ALK: variants seen among roughly 807,000 people sequenced by gnomAD.
The protein encoded by ALK is ALK receptor tyrosine kinase.
In ALK, 74 loss-of-function variants were observed where a neutral mutation model predicts 163.1. The observed-to-expected ratio is 0.45, with a 90% confidence interval of 0.38 to 0.55. The LOEUF (loss-of-function observed/expected upper bound fraction) is 0.55, where lower values mean the gene tolerates loss of function less well. ALK is among the 20% of genes least tolerant of loss of function. ALK has a pLI of 0.00. For missense variants in ALK, 2,063 were observed against 2,105.3 expected, an observed-to-expected ratio of 0.98 and a Z score of 0.39; for synonymous variants, 960 against 843.2, an observed-to-expected ratio of 1.14 and a Z score of -2.40.
At chr2:29,216,089 T>A (rs1442699240) in intron 23 of ALK, among the ~76,000 whole-genome samples, 2 of 152,080 alleles carry the variant, frequency 1.3e-5, no homozygotes, top group African/African-American at 2.4e-5. Context: ...CAGCAGAGAC[T>A]CTGATCATTC....
chr2:29,493,892 G>A (rs372697675), intron 4 of ALK, among the ~76,000 whole-genome samples: 1 of 152,330 alleles, frequency 6.6e-6, no homozygotes, highest in Non-Finnish European at 1.5e-5. Context: ...GGATGAAACG[G>A]CCTCAAGCAC....
At chr2:29,195,446 G>A (rs1668998658) in intron 28 of ALK, among the ~76,000 whole-genome samples, 2 of 152,148 alleles carry the variant, frequency 1.3e-5, no homozygotes, top group African/African-American at 4.8e-5. Context: ...ATGAAGAGGA[G>A]GGGATTTAAA....
chr2:29,868,729 C>T (rs3936219), intron 1 of ALK, among the ~76,000 whole-genome samples: 66,816 of 152,104 alleles, frequency 0.44, 15,504 homozygotes, highest in Non-Finnish European at 0.5. Flanking sequence ...TGTCTCCCAT[C>T]CCACACGTTT....
At chr2:29,585,516 T>C (rs1573477407) in intron 3 of ALK, among the ~76,000 whole-genome samples, 1 of 152,080 alleles carries the variant, frequency 6.6e-6, no homozygotes, top group East Asian at 1.9e-4. Context: ...TTAGTAGAGA[T>C]GGTGTTTCGC....
At chr2:29,406,910 A>AT (rs993751143) in intron 4 of ALK, among the ~76,000 whole-genome samples, 1 of 151,436 alleles carries the variant, frequency 6.6e-6, no homozygotes, top group Non-Finnish European at 1.5e-5. Flanking sequence ...AAAAAAAAAA[A>AT]AAAAGTTACA....
At chr2:29,690,328 C>T (rs918928712) in intron 3 of ALK, among the ~76,000 whole-genome samples, 5 of 152,214 alleles carry the variant, frequency 3.3e-5, no homozygotes, top group South Asian at 2.1e-4. Flanking sequence ...AGTCAGAGGA[C>T]GGGGAGAGAG....
intron 3 of ALK, among the ~76,000 whole-genome samples, chr2:29,670,505 T>G (rs1677648893): frequency 6.6e-6 from 1 of 152,050 alleles, no homozygotes. Context: ...TGGTCTTATT[T>G]GGGTTGATTC....
At chr2:29,852,541 C>A (rs1666025478) in intron 1 of ALK, among the ~76,000 whole-genome samples, 1 of 152,212 alleles carries the variant, frequency 6.6e-6, no homozygotes, top group African/African-American at 2.4e-5. Context: ...ATTGGATAAG[C>A]AGCCTGCCCA....
chr2:29,207,511 T>C (rs1431137436), intron 25 of ALK, among the ~76,000 whole-genome samples: 2 of 152,244 alleles, frequency 1.3e-5, no homozygotes, highest in South Asian at 2.1e-4. Context: ...GAATGATCTA[T>C]GCAATGACTA....
chr2:29,662,100 CGGGG>C (rs1267442823), intron 3 of ALK, among the ~76,000 whole-genome samples: 1 of 151,996 alleles, frequency 6.6e-6, no homozygotes, highest in Non-Finnish European at 1.5e-5. Flanking sequence ...TTAGCAGGGA[CGGGG>C]TTTCACAATG....
intron 3 of ALK, among the ~76,000 whole-genome samples, chr2:29,604,016 T>A (rs1006336656): frequency 2.6e-5 from 4 of 152,114 alleles, no homozygotes; most frequent in Non-Finnish European, 5.9e-5. Flanking sequence ...ACTTCTCCCA[T>A]AAGTAAGTAC....
intron 1 of ALK, among the ~76,000 whole-genome samples, chr2:29,912,752 A>G (rs1008853415): frequency 1.3e-5 from 2 of 152,120 alleles, no homozygotes; most frequent in African/African-American, 4.8e-5. Flanking sequence ...GAGTTGTAGA[A>G]GATTGCAAAG....
intron 5 of ALK, among the ~76,000 whole-genome samples, chr2:29,343,850 C>T (rs1667871709): frequency 6.6e-6 from 1 of 152,186 alleles, no homozygotes; most frequent in Non-Finnish European, 1.5e-5. Context: ...CCCAGGTACA[C>T]AGGACTCCAT....
chr2:29,501,335 C>T (rs1449691093), intron 4 of ALK, among the ~76,000 whole-genome samples: 2 of 152,210 alleles, frequency 1.3e-5, no homozygotes, highest in African/African-American at 4.8e-5. Flanking sequence ...TCTGGAGATG[C>T]TCTACCAGAG....
intron 11 of ALK, among the ~76,000 whole-genome samples, chr2:29,255,694 T>A (rs1256793363): frequency 6.6e-6 from 1 of 152,150 alleles, no homozygotes; most frequent in East Asian, 1.9e-4. Context: ...TGTCAGATTG[T>A]CCCTACATAA....
At chr2:29,483,936 C>T (rs1671722516) in intron 4 of ALK, among the ~76,000 whole-genome samples, 1 of 152,122 alleles carries the variant, frequency 6.6e-6, no homozygotes, top group Non-Finnish European at 1.5e-5. Context: ...TTCCACATGG[C>T]TGGGGAGGCC....
At chr2:29,847,729 TA>T (rs747309312) in intron 1 of ALK, among the ~76,000 whole-genome samples, 51 of 149,464 alleles carry the variant, frequency 3.4e-4, no homozygotes, top group Admixed American at 2.4e-3. Flanking sequence ...TTATAAACTT[TA>T]TAGAATGGTG....
At position 29,684,189 on chromosome 2, in the gene ALK, C is replaced by G. The variant is rs185697548; in HGVS notation, c.952+10661G>C. On this transcript the variant is annotated intron_variant, in intron 3 of 28. Coordinates refer to ENST00000389048, the MANE Select transcript of ALK (RefSeq NM_004304.5). Reference sequence around the variant, plus strand: ...CATTTTTCTTTAGGATGTGTCTTATCTGTATTATTTGATATATAGAAATCA... The same window carrying G: ...CATTTTTCTTTAGGATGTGTCTTATGTGTATTATTTGATATATAGAAATCA... Among the ~76,000 whole-genome samples the G allele has an allele frequency of 1.7e-3, 260 of 152,242 alleles. 2 individuals carry two copies. The highest frequency in any genetic ancestry group is 5.9e-3 in the African/African-American group (247 of 41,566).
chr2:29,373,645 TA>T (rs1668686695), intron 5 of ALK, among the ~76,000 whole-genome samples: 1 of 152,212 alleles, frequency 6.6e-6, no homozygotes, highest in African/African-American at 2.4e-5. Context: ...TTGGCTTTAT[TA>T]ATAATTATGG....
Sources: allele counts gnomAD v4.1 joint callset (sites outside exome capture counted in the v4.1 genomes callset), GRCh38; gene constraint gnomAD v4.1.1; transcripts MANE v1.5; gene names NCBI Gene and HGNC (gene_info 2026-07-23, HGNC 2026-07-21).